Variants in SIPA1L1 observed in about 807,000 individuals in gnomAD.
SIPA1L1 encodes signal-induced proliferation-associated 1-like protein 1.
In SIPA1L1, 26 loss-of-function variants were observed where a neutral mutation model predicts 162.7. The ratio of observed to expected loss-of-function variants is 0.16; its 90% CI spans 0.12 to 0.22. SIPA1L1 has a LOEUF of 0.22. Among genes scored for constraint, SIPA1L1 ranks in the 10% least tolerant of loss-of-function variants. The pLI, the probability that SIPA1L1 is intolerant of heterozygous loss-of-function variation, is 1.00. For missense variants in SIPA1L1, 1,874 were observed against 2,241.0 expected (o/e 0.84, Z 3.31); for synonymous variants, 829 against 837.4 (o/e 0.99, Z 0.17).
rs796158113 is a variant in SIPA1L1, at chr14:71,603,284, A to AT, written c.1498+13922dup. ...TATTATATAGTTGGATCATATATAT[A>AT]TTTTTTTTCAAATCAGCCGATCTAT... On this transcript the variant is annotated intron_variant, in intron 5 of 23. Coordinates refer to ENST00000381232, the MANE Select transcript of SIPA1L1 (RefSeq NM_001386936.1). Among the ~76,000 whole-genome samples, 74 of 151,590 alleles carry AT rather than the reference A, an allele frequency of 4.9e-4. 2 individuals carry two copies. Among genetic ancestry groups the AT allele is most frequent in the African/African-American group, 1.5e-3 (60 of 41,354 alleles).
At chr14:71,330,533 T>TG in intron 2 of SIPA1L1, 1 of 1,526,900 alleles carries the variant, frequency 6.5e-7, no homozygotes, top group East Asian at 2.2e-5. Flanking sequence ...GGAATCACCT[T>TG]GGAGATGAAG....
At chr14:71,454,021 A>T (rs1378338573) in intron 2 of SIPA1L1, among the ~76,000 whole-genome samples, 2 of 144,664 alleles carry the variant, frequency 1.4e-5, no homozygotes, top group Non-Finnish European at 3.1e-5. Context: ...AAAAAAAAAA[A>T]AAAAGGAAAA....
chr14:71,668,711 A>T (rs948357710), intron 10 of SIPA1L1, among the ~76,000 whole-genome samples: 3 of 152,168 alleles, frequency 2.0e-5, no homozygotes, highest in African/African-American at 7.2e-5. Context: ...TCATCTAGAT[A>T]ACCCTGCTGA....
At chr14:71,579,736 T>A (rs2147261465) in intron 4 of SIPA1L1, among the ~76,000 whole-genome samples, 1 of 152,384 alleles carries the variant, frequency 6.6e-6, no homozygotes, top group South Asian at 2.1e-4. Flanking sequence ...GTTTGGATAT[T>A]ATGTTCACCC....
At position 71,703,070 on chromosome 14, in the gene SIPA1L1, T is replaced by C. The variant is rs887842233; in HGVS notation, c.3646+565T>C. ...AGCTTGTGCCCGGATTTCTACTGCA[T>C]AGCCCTTTCTTTCTATATATATGTT... On this transcript the variant is annotated intron_variant, in intron 15 of 23. Coordinates refer to ENST00000381232, the MANE Select transcript of SIPA1L1 (RefSeq NM_001386936.1). 4.6e-5 allele frequency among the ~76,000 whole-genome samples: 7 copies of C among 152,204 alleles called. No homozygotes were observed. The East Asian group carries it at 1.3e-3, about 29-fold the overall frequency.
chr14:71,419,121 T>C (rs2042996429), intron 2 of SIPA1L1, among the ~76,000 whole-genome samples: 1 of 152,192 alleles, frequency 6.6e-6, no homozygotes, highest in South Asian at 2.1e-4. Flanking sequence ...CCTTGAGTTC[T>C]GCCTGTAATA....
chr14:71,661,020 T>G (rs1223451475), intron 9 of SIPA1L1, among the ~76,000 whole-genome samples: 1 of 152,238 alleles, frequency 6.6e-6, no homozygotes, highest in Non-Finnish European at 1.5e-5. Flanking sequence ...AACACTGTTG[T>G]TATAGAAACT....
chr14:71,526,033 A>G (rs1054607282), intron 3 of SIPA1L1, among the ~76,000 whole-genome samples: 52 of 152,200 alleles, frequency 3.4e-4, no homozygotes, highest in African/African-American at 1.2e-3. Flanking sequence ...CAATGCAGAC[A>G]TCACACTGTA....
At chr14:71,697,247 T>C (rs980912952) in intron 13 of SIPA1L1, among the ~76,000 whole-genome samples, 1 of 152,072 alleles carries the variant, frequency 6.6e-6, no homozygotes, top group Non-Finnish European at 1.5e-5. Flanking sequence ...GTGAGAGAAA[T>C]CAGAAGCCCC....
At chr14:71,511,459 A>T (rs984416302) in intron 2 of SIPA1L1, among the ~76,000 whole-genome samples, 7 of 147,394 alleles carry the variant, frequency 4.7e-5, no homozygotes, top group Non-Finnish European at 9.0e-5. Context: ...TAAATTTTTT[A>T]TTTTTTTTTT....
At chr14:71,413,672 G>A (rs1166861412) in intron 2 of SIPA1L1, among the ~76,000 whole-genome samples, 1 of 152,162 alleles carries the variant, frequency 6.6e-6, no homozygotes, top group Admixed American at 6.5e-5. Context: ...AGGAGGCGGA[G>A]GTTGCAGTGA....
Position 71,387,285 on chromosome 14 carries a change from G to T in SIPA1L1, c.-465+66104G>T, listed in dbSNP as rs569134870. On this transcript the variant is annotated intron_variant, in intron 2 of 23. Coordinates refer to ENST00000381232, the MANE Select transcript of SIPA1L1 (RefSeq NM_001386936.1). ...AAAAAAAAAAAAAAAAAGAAAGACT[G>T]AGTAAATATTGTTAATACAGAACTA... is the stretch of plus-strand genomic sequence containing the variant. Among the ~76,000 whole-genome samples the T allele has an allele frequency of 1.0e-4, 14 of 137,876 alleles. No individual in the cohort carries two copies. In the South Asian group the frequency reaches 3.3e-3, roughly 33 times the overall value. 90.5% of individuals were successfully genotyped at this position (137,876 alleles called of 152,430 possible). A position where few individuals can be genotyped will look rare whatever the true frequency, so the allele number is the denominator to read the frequency against.
chr14:71,331,605 A>T (rs1276185528), intron 2 of SIPA1L1, among the ~76,000 whole-genome samples: 4 of 152,280 alleles, frequency 2.6e-5, no homozygotes, highest in Admixed American at 2.0e-4. Context: ...CAACAGTCAG[A>T]TGTGTACCTT....
At chr14:71,388,309 A>G (rs1003160269) in intron 2 of SIPA1L1, among the ~76,000 whole-genome samples, 1 of 152,210 alleles carries the variant, frequency 6.6e-6, no homozygotes, top group African/African-American at 2.4e-5. Context: ...CTAGACTTTA[A>G]TTGACCCAAG....
chr14:71,408,680 T>A (rs772107412), intron 2 of SIPA1L1, among the ~76,000 whole-genome samples: 4 of 152,204 alleles, frequency 2.6e-5, no homozygotes, highest in Non-Finnish European at 4.4e-5. Context: ...GAACTACACT[T>A]GCCTTTACTC....
intron 2 of SIPA1L1, among the ~76,000 whole-genome samples, chr14:71,341,530 G>A (rs2140423728): frequency 6.6e-6 from 1 of 152,208 alleles, no homozygotes; most frequent in East Asian, 1.9e-4. Flanking sequence ...AGATTCAGTG[G>A]TACAGGTGCA....
intron 2 of SIPA1L1, among the ~76,000 whole-genome samples, chr14:71,461,755 A>G (rs2046618238): frequency 6.6e-6 from 1 of 152,190 alleles, no homozygotes; most frequent in African/African-American, 2.4e-5. Context: ...GGAAGATTTC[A>G]TTTCACCTCT....
intron 5 of SIPA1L1, among the ~76,000 whole-genome samples, chr14:71,594,078 A>G (rs2035748135): frequency 6.6e-6 from 1 of 152,208 alleles, no homozygotes; most frequent in Non-Finnish European, 1.5e-5. Flanking sequence ...CTCCTCCTCC[A>G]TTCCAAAACA....
chr14:71,548,281 T>C (rs1156982115), intron 4 of SIPA1L1, among the ~76,000 whole-genome samples: 1 of 152,234 alleles, frequency 6.6e-6, no homozygotes, highest in Non-Finnish European at 1.5e-5. Context: ...GTCAGAAGTC[T>C]TTAAACTCAA....
Sources: gnomAD v4.1 joint callset for allele counts (sites outside exome capture counted in the v4.1 genomes callset) on GRCh38, gnomAD v4.1.1 for gene constraint, MANE v1.5 for transcripts, NCBI Gene and HGNC (gene_info 2026-07-23, HGNC 2026-07-21) for gene names.